Variants in SLCO1B3 observed in about 807,000 individuals in gnomAD.
The protein encoded by SLCO1B3 is liver-specific organic anion transporter 2.
SLCO1B3 carries 72 observed loss-of-function variants against 71.8 expected under a neutral mutation model. The ratio of observed to expected loss-of-function variants is 1.00; its 90% CI spans 0.83 to 1.22. The LOEUF is 1.22. Ranked by LOEUF, SLCO1B3 falls within the 50% of genes most tolerant of loss-of-function variation. The pLI, the probability that SLCO1B3 is intolerant of heterozygous loss-of-function variation, is 0.00. For synonymous variants in SLCO1B3, 298 were observed against 278.4 expected (o/e 1.07, Z -0.70); for missense variants, 911 against 819.7 (o/e 1.11, Z -1.36).
At chr12:20,823,102 C>T (rs921935802) in intron 3 of SLCO1B3, among the ~76,000 whole-genome samples, 9 of 152,096 alleles carry the variant, frequency 5.9e-5, no homozygotes, top group African/African-American at 2.2e-4. Context: ...GAGAGACAAA[C>T]ACACAGTAGA....
intron 10 of SLCO1B3, 25 bp from the exon 11 acceptor site, chr12:20,879,411 C>T (rs756291032): frequency 2.7e-6 from 4 of 1,489,280 alleles, no homozygotes; most frequent in South Asian, 2.4e-5. Context: ...ATAATTATAG[C>T]TTTTTTCTCT....
chr12:20,863,523 T>C (rs1865311744), intron 8 of SLCO1B3, among the ~76,000 whole-genome samples: 1 of 152,162 alleles, frequency 6.6e-6, no homozygotes, highest in Non-Finnish European at 1.5e-5. Context: ...ACCATATCCA[T>C]ATTTATCTTT....
At chr12:20,897,588 T>A (rs1324982408) in intron 13 of SLCO1B3, among the ~76,000 whole-genome samples, 6 of 152,206 alleles carry the variant, frequency 3.9e-5, no homozygotes, top group Admixed American at 2.0e-4. Context: ...TCTTAGTAGG[T>A]GCTTAGTGAA....
At chr12:20,861,170 C>T in intron 6 of SLCO1B3, 32 bp downstream of exon 6, 1 of 1,509,708 alleles carries the variant, frequency 6.6e-7, no homozygotes, top group Non-Finnish European at 8.9e-7. Context: ...AAAACAAATT[C>T]TAGATTGATA....
At chr12:20,834,293 T>TAC (rs1442836585) in intron 3 of SLCO1B3, among the ~76,000 whole-genome samples, 1 of 145,230 alleles carries the variant, frequency 6.9e-6, no homozygotes, top group Non-Finnish European at 1.5e-5. Flanking sequence ...AGAATATATA[T>TAC]ATATAATTAT....
Position 20,880,908 on chromosome 12 carries a change from A to G in SLCO1B3, c.1385A>G (p.Glu462Gly), listed in dbSNP as rs750939881. The change falls in exon 12 of 16, where the codon GAG (glutamate) becomes GGG (glycine). Residue 462 changes from glutamate to glycine, a missense_variant. By Grantham distance (98) the Glu-to-Gly change is moderately conservative (BLOSUM62 -2). Transcript: ENST00000381545. Reference protein sequence around the residue: ...VDVPLSYCNSECNCDESQWEP... With the variant: ...VDVPLSYCNSGCNCDESQWEP... The stretch of plus-strand genomic sequence containing the variant: ...GTACCACTTTCTTATTGCAACTCAG[A>G]GTGCAATTGTGATGAAAGTCAGTGG... The G allele has an allele frequency of 1.9e-6, 3 of 1,610,288 alleles. No individual in the cohort carries two copies. Among genetic ancestry groups the G allele is most frequent in the Non-Finnish European group, 2.5e-6 (3 of 1,176,918 alleles).
intron 3 of SLCO1B3, among the ~76,000 whole-genome samples, chr12:20,836,453 A>AT (rs1411261699): frequency 1.3e-5 from 2 of 151,968 alleles, no homozygotes. Flanking sequence ...ATTGGTCTAC[A>AT]TTTTTTTGTT....
intron 13 of SLCO1B3, among the ~76,000 whole-genome samples, chr12:20,891,398 C>G (rs554225270): frequency 1.3e-5 from 2 of 151,894 alleles, no homozygotes; most frequent in South Asian, 4.2e-4. Flanking sequence ...TGTTGTTAGT[C>G]TGATAGGATT....
chr12:20,813,012 T>C (rs1005069209), intron 1 of SLCO1B3, among the ~76,000 whole-genome samples: 7 of 152,184 alleles, frequency 4.6e-5, no homozygotes, highest in Admixed American at 2.6e-4. Flanking sequence ...CACCAAATTA[T>C]TGATTTTTTT....
intron 4 of SLCO1B3, 34 bp from the exon 5 acceptor site, chr12:20,858,405 A>G: frequency 6.9e-7 from 1 of 1,458,510 alleles, no homozygotes; most frequent in Non-Finnish European, 9.6e-7. Context: ...AAATTACACT[A>G]AGTCATATCA....
intron 3 of SLCO1B3, among the ~76,000 whole-genome samples, chr12:20,850,484 G>A (rs185845930): frequency 3.0e-4 from 45 of 151,596 alleles, no homozygotes; most frequent in Non-Finnish European, 4.9e-4. Flanking sequence ...AGGTTTCACC[G>A]CATTAGCCAG....
Position 20,879,647 on chromosome 12 carries a change from T to G in SLCO1B3, c.1331+16T>G. 1.3e-6 allele frequency: 2 copies of G among 1,520,642 alleles called. No individual in the cohort carries two copies. The highest frequency in any genetic ancestry group is 1.8e-6 in the Non-Finnish European group (2 of 1,116,804). The allele number at this position is 1,520,642 out of a possible 1,614,324, so 94.2% of individuals were successfully genotyped here. ...CCTATGATGGGTTTGTATATATTGC[T>G]ATATAAATTGTGTAATATGTTAACC... is the stretch of plus-strand genomic sequence containing the variant. On this transcript the variant is annotated intron_variant, in intron 11 of 15. Transcript: ENST00000381545.
At chr12:20,913,514 A>G (rs933518571) in intron 15 of SLCO1B3, among the ~76,000 whole-genome samples, 1 of 152,152 alleles carries the variant, frequency 6.6e-6, no homozygotes, top group Non-Finnish European at 1.5e-5. Context: ...GGATAATAGG[A>G]TAACTGATTT....
intron 15 of SLCO1B3, chr12:20,901,879 T>G (rs1339831146): frequency 4.6e-6 from 2 of 437,264 alleles, no homozygotes; most frequent in Non-Finnish European, 9.1e-6. Flanking sequence ...AAACAAAGTT[T>G]CATTACTCTT....
At chr12:20,842,854 C>T (rs1515771) in intron 3 of SLCO1B3, among the ~76,000 whole-genome samples, 110,123 of 152,012 alleles carry the variant, frequency 0.72, 42,464 homozygotes, top group South Asian at 0.9. Context: ...GTAAAGACTT[C>T]GAGAAGTGAT....
chr12:20,863,832 T>C (rs1444729753), intron 8 of SLCO1B3, among the ~76,000 whole-genome samples: 1 of 152,210 alleles, frequency 6.6e-6, no homozygotes, highest in Non-Finnish European at 1.5e-5. Flanking sequence ...TAATCTGTTT[T>C]ACCACTAATA....
At chr12:20,845,805 G>A (rs1287339890) in intron 3 of SLCO1B3, among the ~76,000 whole-genome samples, 1 of 152,118 alleles carries the variant, frequency 6.6e-6, no homozygotes, top group Non-Finnish European at 1.5e-5. Context: ...GTCTAGTGCG[G>A]TCAGTGAAGT....
chr12:20,889,573 T>C (rs1865861534), intron 13 of SLCO1B3, among the ~76,000 whole-genome samples: 1 of 152,136 alleles, frequency 6.6e-6, no homozygotes, highest in African/African-American at 2.4e-5. Context: ...CTGATTGTCC[T>C]TATTTGAATC....
chr12:20,886,426 C>T (rs1865794318), intron 13 of SLCO1B3, among the ~76,000 whole-genome samples: 1 of 151,954 alleles, frequency 6.6e-6, no homozygotes, highest in Non-Finnish European at 1.5e-5. Context: ...CTAGGAACAA[C>T]AGGCACTCTA....
Sources: gnomAD v4.1 joint callset for allele counts (sites outside exome capture counted in the v4.1 genomes callset) on GRCh38, gnomAD v4.1.1 for gene constraint, MANE v1.5 for transcripts, NCBI Gene and HGNC (gene_info 2026-07-23, HGNC 2026-07-21) for gene names.